MIER1: variants seen among roughly 807,000 people sequenced by gnomAD.
The protein encoded by MIER1 is mesoderm induction early response protein 1.
In MIER1, 40 loss-of-function variants were observed where a neutral mutation model predicts 75.7. The observed-to-expected ratio is 0.53, with a 90% CI of 0.41 to 0.69. The LOEUF (loss-of-function observed/expected upper bound fraction) is 0.69. MIER1 is among the 30% of genes least tolerant of loss of function. The pLI is 0.00. For synonymous variants in MIER1, 213 were observed against 223.4 expected, an observed-to-expected ratio of 0.95 and a Z score of 0.42; for missense variants, 574 against 680.2, an observed-to-expected ratio of 0.84 and a Z score of 1.74.
chr1:66,925,204 T>C, intron 1 of MIER1, 109 bp downstream of exon 1: 3 of 1,417,022 alleles, frequency 2.1e-6, no homozygotes, highest in South Asian at 1.6e-5. Flanking sequence ...CCCACGGCAG[T>C]GTACCGCCCG....
intron 4 of MIER1, among the ~76,000 whole-genome samples, chr1:66,949,823 G>T (rs934477463): frequency 6.6e-6 from 1 of 152,186 alleles, no homozygotes; most frequent in Non-Finnish European, 1.5e-5. Flanking sequence ...TGCATGAAAT[G>T]AATTTTTGAT....
chr1:66,952,886 C>G (rs1659294976), intron 4 of MIER1, among the ~76,000 whole-genome samples: 1 of 152,230 alleles, frequency 6.6e-6, no homozygotes, highest in Non-Finnish European at 1.5e-5. Context: ...CTCAAGTGAT[C>G]TGCCTACCTT....
At chr1:66,978,686 G>C (rs1366146397) in intron 12 of MIER1, among the ~76,000 whole-genome samples, 1 of 152,114 alleles carries the variant, frequency 6.6e-6, no homozygotes, top group Non-Finnish European at 1.5e-5. Context: ...TCACACGTGA[G>C]CTACATTCAG....
chr1:66,987,916 T>C lies in MIER1; in HGVS notation c.*3016T>C. On this transcript the variant is annotated 3_prime_UTR_variant, in exon 14 of 14. Coordinates refer to ENST00000401041, the MANE Select transcript of MIER1 (RefSeq NM_001077700.3). ...ATCCTTTCAGTCCCTAGACCTCCAT[T>C]CACTCTGTTTCTCTTCTGCTGGATT... is the stretch of plus-strand genomic sequence containing the variant. 6.7e-6 allele frequency: 1 copy of C among 149,374 alleles called. No individual in the cohort carries two copies. Among genetic ancestry groups the C allele is most frequent in the Non-Finnish European group, 1.5e-5 (1 of 67,996 alleles). The allele number at this position is 149,374 out of a possible 1,614,324, so 9.3% of individuals were successfully genotyped here.
intron 11 of MIER1, among the ~76,000 whole-genome samples, chr1:66,974,433 T>G (rs115578081): frequency 0.027 from 4,114 of 151,670 alleles, 64 homozygotes; most frequent in Non-Finnish European, 0.031. Flanking sequence ...AGGTTTTTTT[T>G]TTGTTGTTGT....
rs1161425661 is a variant in MIER1, at chr1:66,981,859, A to G, written c.1310A>G (p.Asn437Ser). 1 of 1,614,042 alleles carries G rather than the reference A, an allele frequency of 6.2e-7. No individual in the cohort carries two copies. Among genetic ancestry groups the G allele is most frequent in the Non-Finnish European group, 8.5e-7 (1 of 1,179,930 alleles). Residue 437 changes from asparagine to serine, a missense_variant, in exon 13 of 14, where the codon AAC becomes AGC. Asn to Ser is a conservative substitution (Grantham distance 46). Coordinates refer to ENST00000401041, the MANE Select transcript of MIER1 (RefSeq NM_001077700.3). ...CCATCCCCTCCCCCAACTGCATCAA[A>G]CAGTAGTAACAGCCAGTCTGAGAAA... ...RAPSPPPTASNSSNSQSEKED... is the reference protein window; with the variant it reads ...RAPSPPPTASSSSNSQSEKED...
At chr1:66,935,735 AAAAATT>A (rs1654641628) in intron 2 of MIER1, among the ~76,000 whole-genome samples, 1 of 152,184 alleles carries the variant, frequency 6.6e-6, no homozygotes, top group Admixed American at 6.5e-5. Flanking sequence ...TTTGAGGAAA[AAAAATT>A]TATTCCATAT....
At chr1:66,950,409 A>T (rs191981743) in intron 4 of MIER1, among the ~76,000 whole-genome samples, 52 of 152,284 alleles carry the variant, frequency 3.4e-4, no homozygotes, top group African/African-American at 1.3e-3. Context: ...GCACCTGGCC[A>T]TAGATACATT....
At chr1:66,937,716 C>T (rs149857069) in intron 2 of MIER1, among the ~76,000 whole-genome samples, 1 of 152,316 alleles carries the variant, frequency 6.6e-6, no homozygotes, top group East Asian at 1.9e-4. Context: ...GCTAAACTCA[C>T]TTGTTATTTT....
At chr1:66,954,644 C>T (rs1659714076) in intron 4 of MIER1, among the ~76,000 whole-genome samples, 1 of 152,000 alleles carries the variant, frequency 6.6e-6, no homozygotes, top group Non-Finnish European at 1.5e-5. Flanking sequence ...TCTCTGTTCT[C>T]TGCTTAGTCA....
rs1558068944 is a variant in MIER1 at position 66,958,148 on chromosome 1, AGAG to A, written c.432_434del (p.Glu147del). The A allele has an allele frequency of 3.7e-6, 6 of 1,604,362 alleles. No homozygotes were observed. The highest frequency in any genetic ancestry group is 2.2e-5 in the East Asian group (1 of 44,738). On this transcript the variant is annotated inframe_deletion, in exon 5 of 14. Coordinates refer to ENST00000401041, the MANE Select transcript of MIER1 (RefSeq NM_001077700.3). ...CTGAAGAAGATGAGGAAGAGGAAGA[AGAG>A]GAAGAAGAAGGTGAAGATGATGAAG... is the stretch of plus-strand genomic sequence containing the variant.
At chr1:66,928,979 T>G (rs772492095) in intron 2 of MIER1, 1 of 1,515,002 alleles carries the variant, frequency 6.6e-7, no homozygotes, top group South Asian at 1.1e-5. Flanking sequence ...GTCCTTTCAC[T>G]TAGCAGCTAC....
chr1:66,939,195 A>G lies in MIER1; in HGVS notation c.169-833A>G, dbSNP rs114073382. ...TTGAAGCATCTTTTGAGTTTTTAAT[A>G]TTTGTTTTGTGGGAGTCTTATGTTT... On this transcript the variant is annotated intron_variant, in intron 2 of 13. Transcript: ENST00000401041. 3.9e-3 allele frequency among the ~76,000 whole-genome samples: 594 copies of G among 152,196 alleles called. 5 individuals carry two copies. Among genetic ancestry groups the G allele is most frequent in the African/African-American group, 0.014 (574 of 41,574 alleles).
At chr1:66,965,984 C>A (rs181127966) in intron 8 of MIER1, among the ~76,000 whole-genome samples, 1 of 152,160 alleles carries the variant, frequency 6.6e-6, no homozygotes, top group East Asian at 1.9e-4. Context: ...TTGCAAATGA[C>A]TGGATCTCAT....
chr1:66,984,893 A>T lies in MIER1; in HGVS notation c.1691A>T (p.Asp564Val). The T allele has an allele frequency of 2.5e-6, 4 of 1,584,012 alleles. No individual in the cohort carries two copies. Among genetic ancestry groups the T allele is most frequent in the Non-Finnish European group, 3.4e-6 (4 of 1,170,184 alleles). The change falls in exon 14 of 14, where the codon GAT (aspartate) becomes GTT (valine). Residue 564 changes from aspartate to valine, a missense_variant. Physicochemically the swap from Asp to Val is radical, Grantham distance 152. Around this residue, in one of 3 missense-constraint regions of MIER1, gnomAD observed 164 missense variants for 154.3 expected, o/e 1.06. Transcript: ENST00000401041. The part of the protein sequence containing the change: ...HGKFEELENT[D>V]D The stretch of plus-strand genomic sequence containing the variant: ...AAATTTGAAGAACTTGAAAACACAG[A>T]TGACTAAATTTTAGACCTATTTTAC...
intron 3 of MIER1, among the ~76,000 whole-genome samples, chr1:66,943,495 A>G (rs757667165): frequency 3.9e-5 from 6 of 152,102 alleles, no homozygotes; most frequent in African/African-American, 1.4e-4. Flanking sequence ...GTTATTTTCT[A>G]TTTAATATCA....
Position 66,986,137 on chromosome 1 carries a change from G to A in MIER1, c.*1237G>A. ...GCAGTATCGATTTTATGAAGAGAAAGTGAAGTTTGAAAACTTTTCAAACTT... is the reference window on the plus strand; with the variant it reads ...GCAGTATCGATTTTATGAAGAGAAAATGAAGTTTGAAAACTTTTCAAACTT... On this transcript the variant is annotated 3_prime_UTR_variant, in exon 14 of 14. Transcript: ENST00000401041. 1.7e-6 allele frequency: 2 copies of A among 1,147,130 alleles called. No homozygotes were observed. The highest frequency in any genetic ancestry group is 2.1e-6 in the Non-Finnish European group (2 of 934,558). The allele number at this position is 1,147,130 out of a possible 1,614,324, so 71.1% of individuals were successfully genotyped here.
At chr1:66,936,463 C>T (rs998798069) in intron 2 of MIER1, among the ~76,000 whole-genome samples, 11 of 151,898 alleles carry the variant, frequency 7.2e-5, no homozygotes, top group African/African-American at 2.7e-4. Flanking sequence ...GAACCCCTGA[C>T]CTAGGGTGAT....
chr1:66,929,882 TC>T (rs150656219), intron 2 of MIER1, among the ~76,000 whole-genome samples: 33 of 152,222 alleles, frequency 2.2e-4, no homozygotes, highest in Non-Finnish European at 4.3e-4. Context: ...CACAGCAACA[TC>T]CGTTTTTCAG....
Sources: gnomAD v4.1 joint callset for allele counts (sites outside exome capture counted in the v4.1 genomes callset) on GRCh38, gnomAD v4.1.1 for gene constraint, gnomAD v4.1.1 regional missense constraint, MANE v1.5 for transcripts, NCBI Gene and HGNC (gene_info 2026-07-23, HGNC 2026-07-21) for gene names.